Variants in ARFGAP1 observed in about 807,000 individuals in gnomAD.
ARFGAP1 encodes the protein ARF GTPase activating protein 1.
ARFGAP1 carries 26 observed loss-of-function variants against 54.0 expected under a neutral mutation model. The observed-to-expected ratio is 0.48, with a 90% confidence interval of 0.35 to 0.67. The LOEUF (loss-of-function observed/expected upper bound fraction) is 0.67. Among genes scored for constraint, ARFGAP1 ranks in the 30% least tolerant of loss-of-function variants. ARFGAP1 has a pLI of 0.00. For synonymous variants in ARFGAP1, 248 were observed against 211.9 expected, an observed-to-expected ratio of 1.17 and a Z score of -1.48; for missense variants, 525 against 535.8, an observed-to-expected ratio of 0.98 and a Z score of 0.20.
chr20:63,283,845 G>T (rs771028748), intron 9 of ARFGAP1: 15 of 1,613,486 alleles, frequency 9.3e-6, no homozygotes, highest in African/African-American at 2.7e-5. Context: ...TTGCTGTCGG[G>T]TAAAGTTTTG....
chr20:63,283,708 G>C, intron 9 of ARFGAP1: 2 of 828,824 alleles, frequency 2.4e-6, no homozygotes, highest in Non-Finnish European at 3.8e-6. Flanking sequence ...GGGAGCGGCT[G>C]CTCCAGGGTT....
In ARFGAP1 at chr20:63,276,504, C is replaced by A. The variant is rs1417375993; in HGVS notation, c.195C>A (p.Asp65Glu). The A allele has an allele frequency of 3.7e-6, 6 of 1,613,078 alleles. No individual in the cohort carries two copies. Among genetic ancestry groups the A allele is most frequent in the Non-Finnish European group, 4.2e-6 (5 of 1,179,598 alleles). ...HLSFVRSVTM[D>E]KWKDIELEKM... ...GCTTTGTGCGCTCTGTTACTATGGA[C>A]AAGTGGAAGGACATTGAGCTTGAGA... The change falls in exon 4 of 13, where the codon GAC becomes GAA. Residue 65 changes from aspartate to glutamate, a missense_variant. This residue lies in a region of ARFGAP1 where 466 missense variants were observed against 453.6 expected (regional missense o/e 1.03). Coordinates refer to ENST00000370283, the MANE Select transcript of ARFGAP1 (RefSeq NM_018209.4). This position sits in a 1 kb window ranked among gnomAD's most constrained non-coding sequence, Gnocchi z 5.2.
intron 9 of ARFGAP1, chr20:63,283,242 G>A (rs2067433910): frequency 3.7e-6 from 1 of 272,876 alleles, no homozygotes; most frequent in East Asian, 8.1e-5. Flanking sequence ...TCTGCACTTC[G>A]AGGCAACGGA....
intron 1 of ARFGAP1, chr20:63,274,021 C>T (rs2067169405): frequency 6.6e-6 from 1 of 152,168 alleles, no homozygotes; most frequent in African/African-American, 2.4e-5. Context: ...GGTGGATGCT[C>T]AGTTTGATGA....
At position 63,284,421 on chromosome 20, in the gene ARFGAP1, C is replaced by T. The variant is rs115401276; in HGVS notation, c.718-445C>T. Reference sequence around the variant, plus strand: ...ATCAGGAGAGGCTGAGCTCCTTTCTCAGCAGCTTCTTCCTATGGCCCCAGC... The same window carrying T: ...ATCAGGAGAGGCTGAGCTCCTTTCTTAGCAGCTTCTTCCTATGGCCCCAGC... On this transcript the variant is annotated intron_variant, in intron 9 of 12. Coordinates refer to ENST00000370283, the MANE Select transcript of ARFGAP1 (RefSeq NM_018209.4). 4.6e-3 allele frequency: 4,968 copies of T among 1,079,402 alleles called. 167 individuals carry two copies. The African/African-American group carries it at 0.073, about 16-fold the overall frequency. 66.9% of individuals were successfully genotyped at this position (1,079,402 alleles called of 1,614,324 possible).
intron 1 of ARFGAP1, among the ~76,000 whole-genome samples, chr20:63,275,061 A>G (rs372350408): frequency 6.6e-6 from 1 of 152,202 alleles, no homozygotes; most frequent in East Asian, 1.9e-4. Flanking sequence ...CACTCCAGGC[A>G]GCGGGGCACA....
intron 6 of ARFGAP1, 156 bp downstream of exon 6, chr20:63,278,359 C>T (rs113852522): frequency 1.1e-5 from 8 of 696,904 alleles, no homozygotes; most frequent in Non-Finnish European, 1.9e-5. Flanking sequence ...TCCCAGCCAG[C>T]CCAGTGTGAA....
rs368001102 is a variant in ARFGAP1, at chr20:63,288,495, A to AGTTCACCAG, written c.*632_*640dup. On this transcript the variant is annotated 3_prime_UTR_variant, in exon 13 of 13. Transcript: ENST00000370283. The stretch of plus-strand genomic sequence containing the variant: ...CTGCATCAGCACCGTCCCACCACCA[A>AGTTCACCAG]GTTCACCAGGTTCACCAGACACGGC... The AGTTCACCAG allele has an allele frequency of 1.3e-3, 575 of 455,980 alleles. 5 individuals carry two copies. The highest frequency in any genetic ancestry group is 9.3e-3 in the African/African-American group (468 of 50,158). The allele number at this position is 455,980 out of a possible 1,614,324, so 28.2% of individuals were successfully genotyped here.
In ARFGAP1 at chr20:63,275,610, TAAA is replaced by T. The variant is rs1294184410; in HGVS notation, c.31_33del (p.Lys11del). The T allele has an allele frequency of 6.2e-7, 1 of 1,613,818 alleles. No homozygotes were observed. The highest frequency in any genetic ancestry group is 2.2e-5 in the East Asian group (1 of 44,900). Reference sequence around the variant, plus strand: ...CCAGCCCAAGAACCAGGAAGGTTCTTAAAGAAGTCAGGGTGCAGGATGAGAACA... The same window carrying T: ...CCAGCCCAAGAACCAGGAAGGTTCTTGAAGTCAGGGTGCAGGATGAGAACA... On this transcript the variant is annotated inframe_deletion, in exon 2 of 13. Transcript: ENST00000370283.
rs756653448 is a variant in ARFGAP1, at chr20:63,287,707, C to T, written c.1055C>T (p.Ala352Val). The change falls in exon 13 of 13, where the codon GCG becomes GTG. Residue 352 changes from alanine (A) to valine (V), a missense_variant. Around this residue, in one of 3 missense-constraint regions of ARFGAP1, gnomAD observed 466 missense variants for 453.6 expected, o/e 1.03. Coordinates refer to ENST00000370283, the MANE Select transcript of ARFGAP1 (RefSeq NM_018209.4). ...KSPSSDSWTCADTSTERRSSD... is the reference protein window; with the variant it reads ...KSPSSDSWTCVDTSTERRSSD... Reference sequence around the variant, plus strand: ...CCGAGCAGCGACAGCTGGACGTGCGCGGACACCTCCACCGAGAGGAGGAGC... The same window carrying T: ...CCGAGCAGCGACAGCTGGACGTGCGTGGACACCTCCACCGAGAGGAGGAGC... 2.5e-5 allele frequency: 41 copies of T among 1,611,374 alleles called. No homozygotes were observed. Among genetic ancestry groups the T allele is most frequent in the East Asian group, 2.0e-4 (9 of 44,818 alleles).
In ARFGAP1 at chr20:63,276,227, C is replaced by A; in HGVS notation, c.170+27C>A. The A allele has an allele frequency of 6.2e-7, 1 of 1,610,146 alleles. No individual in the cohort carries two copies. The highest frequency in any genetic ancestry group is 8.5e-7 in the Non-Finnish European group (1 of 1,177,128). ...TCAGTGTCCTGCCGCTCTGGCTCTG[C>A]GGAGAGCCTGCGGCCACCCCAGCAT... is the stretch of plus-strand genomic sequence containing the variant. On this transcript the variant is annotated intron_variant, in intron 3 of 12. Transcript: ENST00000370283. The surrounding 1 kb of genome is among the most constrained non-coding windows in gnomAD (Gnocchi z 5.2).
chr20:63,278,222 G>C lies in ARFGAP1; in HGVS notation c.530+19G>C, dbSNP rs1424307733. ...ATCAAGGGTAAGGACTTGAGAGCTG[G>C]GGACGCCTGGCGTGGGCCAGGCCCA... On this transcript the variant is annotated intron_variant, in intron 6 of 12. Transcript: ENST00000370283. The C allele has an allele frequency of 6.2e-7, 1 of 1,611,426 alleles. No individual in the cohort carries two copies. Among genetic ancestry groups the C allele is most frequent in the Non-Finnish European group, 8.5e-7 (1 of 1,179,284 alleles).
Position 63,276,273 on chromosome 20 carries a change from G to T in ARFGAP1, c.170+73G>T, listed in dbSNP as rs1025140338. 11 of 1,547,888 alleles carry T rather than the reference G, an allele frequency of 7.1e-6. No individual in the cohort carries two copies. The African/African-American group carries it at 1.4e-4, about 19-fold the overall frequency. On this transcript the variant is annotated intron_variant, in intron 3 of 12. Coordinates refer to ENST00000370283, the MANE Select transcript of ARFGAP1 (RefSeq NM_018209.4). This position sits in a 1 kb window ranked among gnomAD's most constrained non-coding sequence, Gnocchi z 5.2. ...AGCATCTGTTCCTGACACCAGAGGT[G>T]CTGACGCCAGGGAAGCTTGGGGGCC...
At chr20:63,285,985 G>T in intron 11 of ARFGAP1, 1 of 1,524,476 alleles carries the variant, frequency 6.6e-7, no homozygotes, top group South Asian at 1.2e-5. Context: ...GTAAGTGCCA[G>T]CGCCGTCTTT....
chr20:63,286,229 G>C, intron 11 of ARFGAP1, 137 bp from the exon 12 acceptor site: 1 of 1,547,484 alleles, frequency 6.5e-7, no homozygotes, highest in Middle Eastern at 1.7e-4. Context: ...GTACGTGTGT[G>C]CGAGGCACCC....
intron 7 of ARFGAP1, chr20:63,279,197 T>TA: frequency 1.5e-6 from 1 of 661,086 alleles, no homozygotes; most frequent in Non-Finnish European, 2.7e-6. Flanking sequence ...TTCAATCACT[T>TA]CCTTTTTTTT....
intron 7 of ARFGAP1, among the ~76,000 whole-genome samples, chr20:63,280,802 G>C (rs2067360498): frequency 6.6e-6 from 1 of 152,240 alleles, no homozygotes; most frequent in African/African-American, 2.4e-5. Context: ...ACTTCCTTTA[G>C]GAGGAAGAGG....
intron 5 of ARFGAP1, among the ~76,000 whole-genome samples, chr20:63,277,731 C>T (rs1170371339): frequency 2.0e-5 from 3 of 152,194 alleles, no homozygotes; most frequent in Non-Finnish European, 2.9e-5. Context: ...CTGGGTAGCA[C>T]GAGGCCTCCC....
chr20:63,275,695 C>T (rs910187565), intron 2 of ARFGAP1, 55 bp downstream of exon 2: 17 of 1,560,986 alleles, frequency 1.1e-5, no homozygotes, highest in Non-Finnish European at 1.4e-5. Context: ...TCAGTGAGTT[C>T]CGGGAAGTTG....
Sources: gnomAD v4.1 joint callset for allele counts (sites outside exome capture counted in the v4.1 genomes callset) on GRCh38, gnomAD v4.1.1 for gene constraint, gnomAD v4.1.1 regional missense constraint, Gnocchi (gnomAD v3.1) non-coding constraint, MANE v1.5 for transcripts, NCBI Gene and HGNC (gene_info 2026-07-23, HGNC 2026-07-21) for gene names.